Variants in ARK2N observed in about 807,000 individuals in gnomAD.
The protein encoded by ARK2N is arkadia (RNF111) N-terminal like PKA signaling regulator 2N, also known as protein ARK2N.
At chr18:46,182,389 G>C in the ARK2N span, among the ~76,000 whole-genome samples, 1 of 152,226 alleles carries the variant, frequency 6.6e-6, no homozygotes, top group East Asian at 1.9e-4. Context: ...ATCTTTATGT[G>C]AATTGTCTTC....
the ARK2N span, among the ~76,000 whole-genome samples, chr18:46,251,498 C>T: frequency 6.6e-6 from 1 of 152,216 alleles, no homozygotes; most frequent in Non-Finnish European, 1.5e-5. Context: ...TATATAATCT[C>T]AATCACTGGT....
At chr18:46,263,094 T>G in the ARK2N span, 1 of 1,613,176 alleles carries the variant, frequency 6.2e-7, no homozygotes, top group Non-Finnish European at 8.5e-7. Flanking sequence ...TGGATGAGGA[T>G]AGCAGGCGTA....
chr18:46,231,740 T>A, the ARK2N span: 1 of 152,188 alleles, frequency 6.6e-6, no homozygotes, highest in Non-Finnish European at 1.5e-5. Context: ...TTCTTTCTTT[T>A]TTTTTTTGTT....
chr18:46,249,785 A>G, the ARK2N span, among the ~76,000 whole-genome samples: 1 of 152,014 alleles, frequency 6.6e-6, no homozygotes, highest in Non-Finnish European at 1.5e-5. Flanking sequence ...TTTCCTCCAT[A>G]GCCAAACTTC....
At chr18:46,184,064 A>G in the ARK2N span, among the ~76,000 whole-genome samples, 1 of 150,454 alleles carries the variant, frequency 6.6e-6, no homozygotes, top group South Asian at 2.2e-4. Context: ...GATCTCAGCT[A>G]CTTGCAACCT....
chr18:46,265,694 T>C, the ARK2N span: 1 of 152,610 alleles, frequency 6.6e-6, no homozygotes, highest in African/African-American at 2.4e-5. Context: ...CATTGCTGTT[T>C]CCAGAAGAGT....
chr18:46,214,056 T>C, the ARK2N span, among the ~76,000 whole-genome samples: 1 of 152,194 alleles, frequency 6.6e-6, no homozygotes, highest in South Asian at 2.1e-4. Context: ...TTTCCATGAA[T>C]GTGTTAAGGA....
the ARK2N span, among the ~76,000 whole-genome samples, chr18:46,236,152 A>T: frequency 6.6e-6 from 1 of 152,224 alleles, no homozygotes; most frequent in African/African-American, 2.4e-5. Context: ...TAGATTTTTT[A>T]AAAATTCTAA....
chr18:46,176,689 C>T, the ARK2N span, among the ~76,000 whole-genome samples: 1 of 151,870 alleles, frequency 6.6e-6, no homozygotes, highest in East Asian at 1.9e-4. Flanking sequence ...GCAATCTCCA[C>T]TCACCGCAAC....
chr18:46,216,014 G>T, the ARK2N span: 31 of 1,614,016 alleles, frequency 1.9e-5, no homozygotes, highest in Admixed American at 1.5e-4. The surrounding 1 kb of genome is among the most constrained non-coding windows in gnomAD (Gnocchi z 4.3). Context: ...CAGAAAGATG[G>T]TGTAGCGGAT....
chr18:46,205,688 T>C, the ARK2N span, among the ~76,000 whole-genome samples: 2 of 152,180 alleles, frequency 1.3e-5, no homozygotes, highest in Admixed American at 6.6e-5. Context: ...AATCTGTATT[T>C]CTATATTTTT....
the ARK2N span, among the ~76,000 whole-genome samples, chr18:46,260,160 A>G: frequency 6.6e-5 from 10 of 152,174 alleles, no homozygotes; most frequent in African/African-American, 2.4e-4. Context: ...AAGGCAATTC[A>G]TTCCATTTCT....
chr18:46,200,240 A>G, the ARK2N span, among the ~76,000 whole-genome samples: 11 of 152,272 alleles, frequency 7.2e-5, no homozygotes, highest in African/African-American at 2.6e-4. Flanking sequence ...ACTGGGAGTC[A>G]TTTATACTGA....
chr18:46,208,086 A>G, the ARK2N span, among the ~76,000 whole-genome samples: 2 of 152,194 alleles, frequency 1.3e-5, no homozygotes, highest in African/African-American at 4.8e-5. Context: ...ACATATACCT[A>G]TATACCAGTC....
the ARK2N span, among the ~76,000 whole-genome samples, chr18:46,249,621 C>T: frequency 3.9e-5 from 6 of 152,180 alleles, no homozygotes; most frequent in Admixed American, 6.5e-5. Flanking sequence ...TCTTCAAAAT[C>T]CAGATTACCT....
At chr18:46,180,830 T>A in the ARK2N span, among the ~76,000 whole-genome samples, 1 of 152,324 alleles carries the variant, frequency 6.6e-6, no homozygotes, top group African/African-American at 2.4e-5. Context: ...AAGTAGATTA[T>A]AAGGGAAAAA....
At chr18:46,240,358 G>A in the ARK2N span, among the ~76,000 whole-genome samples, 70 of 152,338 alleles carry the variant, frequency 4.6e-4, no homozygotes, top group African/African-American at 1.6e-3. Context: ...AATTTGGATA[G>A]CTTGTCATTC....
the ARK2N span, among the ~76,000 whole-genome samples, chr18:46,185,427 A>C: frequency 6.6e-6 from 1 of 152,214 alleles, no homozygotes; most frequent in Admixed American, 6.5e-5. Flanking sequence ...CAGAAAAATC[A>C]GGTAATAATT....
chr18:46,201,168 A>G, the ARK2N span, among the ~76,000 whole-genome samples: 1 of 151,736 alleles, frequency 6.6e-6, no homozygotes, highest in Admixed American at 6.6e-5. Flanking sequence ...TTTTTTGTAG[A>G]TATAGGATCT....
Sources: gnomAD v4.1 joint callset for allele counts (sites outside exome capture counted in the v4.1 genomes callset) on GRCh38, gnomAD v4.1.1 for gene constraint, Gnocchi (gnomAD v3.1) non-coding constraint, MANE v1.5 for transcripts, NCBI Gene and HGNC (gene_info 2026-07-23, HGNC 2026-07-21) for gene names.